Variants in FKTN observed in about 807,000 individuals in gnomAD.
FKTN encodes fukutin, also known as ribitol-5-phosphate transferase FKTN.
A neutral mutation model predicts 58.6 loss-of-function variants in FKTN; 47 were observed. The ratio of observed to expected loss-of-function variants is 0.80; its 90% CI spans 0.63 to 1.02. FKTN has a LOEUF of 1.02. Ranked by LOEUF, FKTN falls within the 50% of genes least tolerant of loss-of-function variation. The probability of loss-of-function intolerance (pLI) is 0.00; values close to 1 mark genes in which losing one functional copy is unlikely to be tolerated. For synonymous variants in FKTN, 178 were observed against 191.9 expected, an observed-to-expected ratio of 0.93 and a Z score of 0.60; for missense variants, 516 against 537.3, an observed-to-expected ratio of 0.96 and a Z score of 0.39.
chr9:105,607,270 T>A (rs1042536358), intron 6 of FKTN, among the ~76,000 whole-genome samples: 6 of 152,088 alleles, frequency 3.9e-5, no homozygotes, highest in Non-Finnish European at 7.4e-5. Context: ...CTCAGGCCAT[T>A]GTAATTAACT....
At chr9:105,634,343 G>A (rs1365656572) in intron 10 of FKTN, among the ~76,000 whole-genome samples, 8 of 151,850 alleles carry the variant, frequency 5.3e-5, no homozygotes, top group Admixed American at 4.6e-4. Flanking sequence ...CATGTTGGCC[G>A]GGCTGGTCTC....
rs1201619662 is a variant in FKTN at position 105,635,062 on chromosome 9, C to T, written c.1184C>T (p.Pro395Leu). ...CTGTTTTGCTGCAGATACCTGTTTC[C>T]GAAGTTTACACTGTGCTGGACTGAG... ...KTGKKFKYLF[P>L]KFTLCWTEFV... The change falls in exon 11 of 11, where the codon CCG becomes CTG. Residue 395 changes from proline to leucine, a missense_variant. Transcript: ENST00000357998. The T allele has an allele frequency of 3.7e-6, 6 of 1,613,928 alleles. No homozygotes were observed. The highest frequency in any genetic ancestry group is 2.2e-5 in the East Asian group (1 of 44,894).
chr9:105,589,834 A>G (rs1324379757), intron 3 of FKTN, among the ~76,000 whole-genome samples: 3 of 152,214 alleles, frequency 2.0e-5, no homozygotes, highest in Non-Finnish European at 4.4e-5. Flanking sequence ...CAAAGAAAAT[A>G]CAAAAGTCCT....
intron 3 of FKTN, among the ~76,000 whole-genome samples, chr9:105,583,870 T>C (rs1843450898): frequency 6.6e-6 from 1 of 152,168 alleles, no homozygotes; most frequent in Admixed American, 6.5e-5. Context: ...ATTAGACATC[T>C]AACTTACATT....
At position 105,640,604 on chromosome 9, in the gene FKTN, C is replaced by T. The variant is rs1834357157; in HGVS notation, c.*5340C>T. ...AATCTCTGCTTCCGTACTATCAAAACTTCTACCCTAGAATACCCCCTGGCA... is the reference window on the plus strand; with the variant it reads ...AATCTCTGCTTCCGTACTATCAAAATTTCTACCCTAGAATACCCCCTGGCA... On this transcript the variant is annotated 3_prime_UTR_variant, in exon 11 of 11. Transcript: ENST00000357998. 6.6e-6 allele frequency: 1 copy of T among 151,932 alleles called. No individual in the cohort carries two copies. Among genetic ancestry groups the T allele is most frequent in the Admixed American group, 6.6e-5 (1 of 15,206 alleles). The allele number at this position is 151,932 out of a possible 1,614,324, so 9.4% of individuals were successfully genotyped here. A position where few individuals can be genotyped will look rare whatever the true frequency, so the allele number is the denominator to read the frequency against.
chr9:105,627,116 G>A (rs1832840618), intron 10 of FKTN, among the ~76,000 whole-genome samples: 1 of 151,658 alleles, frequency 6.6e-6, no homozygotes, highest in East Asian at 1.9e-4. Flanking sequence ...GGAATTACAG[G>A]CACATTCCAT....
intron 1 of FKTN, among the ~76,000 whole-genome samples, chr9:105,561,964 CA>C (rs1259778212): frequency 1.4e-5 from 2 of 145,976 alleles, no homozygotes; most frequent in Non-Finnish European, 3.0e-5. Context: ...AATTCATTTT[CA>C]GACGCATTTT....
chr9:105,627,687 A>G (rs1832903619), intron 10 of FKTN, among the ~76,000 whole-genome samples: 2 of 151,918 alleles, frequency 1.3e-5, no homozygotes, highest in Non-Finnish European at 2.9e-5. Context: ...TGTCTGTTTG[A>G]ACTAGCTTCT....
rs1344965546 is a variant in FKTN, at chr9:105,640,054, C to T, written c.*4790C>T. 1 of 1,533,130 alleles carries T rather than the reference C, an allele frequency of 6.5e-7. No individual in the cohort carries two copies. The highest frequency in any genetic ancestry group is 1.4e-5 in the African/African-American group (1 of 72,978). The allele number at this position is 1,533,130 out of a possible 1,614,324, so 95.0% of individuals were successfully genotyped here. A position where few individuals can be genotyped will look rare whatever the true frequency, so the allele number is the denominator to read the frequency against. On this transcript the variant is annotated 3_prime_UTR_variant, in exon 11 of 11. Coordinates refer to ENST00000357998, the MANE Select transcript of FKTN (RefSeq NM_001079802.2). ...TGTTAATAAAGGAGAATTGAAAATACTCATTTCTACTTTCTGCCCTCAAAT... is the reference window on the plus strand; with the variant it reads ...TGTTAATAAAGGAGAATTGAAAATATTCATTTCTACTTTCTGCCCTCAAAT...
intron 10 of FKTN, among the ~76,000 whole-genome samples, chr9:105,632,132 A>C (rs1288905342): frequency 6.6e-6 from 1 of 151,956 alleles, no homozygotes; most frequent in Admixed American, 6.6e-5. Context: ...CATGGATGAA[A>C]CTGGAAATCA....
chr9:105,591,376 A>G (rs1335391616), intron 3 of FKTN, among the ~76,000 whole-genome samples: 2 of 152,240 alleles, frequency 1.3e-5, no homozygotes, highest in Non-Finnish European at 2.9e-5. Context: ...CGATGGGGGT[A>G]TAGTCATTGG....
At chr9:105,592,542 C>T (rs1299136653) in intron 3 of FKTN, among the ~76,000 whole-genome samples, 1 of 152,082 alleles carries the variant, frequency 6.6e-6, no homozygotes, top group African/African-American at 2.4e-5. Flanking sequence ...AAGGCTGAGG[C>T]AGGAAAATTG....
intron 10 of FKTN, among the ~76,000 whole-genome samples, chr9:105,621,159 G>A (rs953099620): frequency 1.4e-4 from 21 of 152,094 alleles, no homozygotes; most frequent in African/African-American, 5.1e-4. Flanking sequence ...AGTGTGAAGT[G>A]TTCTGATTAT....
At chr9:105,621,944 A>T (rs1003655617) in intron 10 of FKTN, among the ~76,000 whole-genome samples, 1 of 152,086 alleles carries the variant, frequency 6.6e-6, no homozygotes, top group African/African-American at 2.4e-5. Flanking sequence ...TTAGACTCAA[A>T]TTTTGGGGCT....
intron 1 of FKTN, among the ~76,000 whole-genome samples, chr9:105,563,911 C>G (rs1838837666): frequency 6.6e-6 from 1 of 152,232 alleles, no homozygotes; most frequent in South Asian, 2.1e-4. Flanking sequence ...ACAGTAGGGG[C>G]AGACTGACAC....
chr9:105,564,905 C>T (rs545698857), intron 1 of FKTN, among the ~76,000 whole-genome samples: 9 of 152,278 alleles, frequency 5.9e-5, no homozygotes, highest in Admixed American at 1.3e-4. Context: ...AGAGAAAGGT[C>T]GGGTTACCCA....
intron 3 of FKTN, among the ~76,000 whole-genome samples, chr9:105,596,218 A>G (rs898973883): frequency 2.0e-5 from 3 of 152,222 alleles, no homozygotes; most frequent in African/African-American, 7.2e-5. Context: ...TCACTTTGCC[A>G]AAGTCTACAA....
chr9:105,606,535 T>A (rs1240885821), intron 6 of FKTN, among the ~76,000 whole-genome samples: 1 of 151,812 alleles, frequency 6.6e-6, no homozygotes, highest in Non-Finnish European at 1.5e-5. Context: ...CTACTTTGAA[T>A]AGCAGAATCT....
intron 3 of FKTN, among the ~76,000 whole-genome samples, chr9:105,591,065 T>A (rs898278937): frequency 9.9e-5 from 15 of 152,152 alleles, no homozygotes; most frequent in African/African-American, 3.6e-4. Flanking sequence ...AAACCATTCA[T>A]GACAAACTGT....
Sources: allele counts gnomAD v4.1 joint callset (sites outside exome capture counted in the v4.1 genomes callset), GRCh38; gene constraint gnomAD v4.1.1; transcripts MANE v1.5; gene names NCBI Gene and HGNC (gene_info 2026-07-23, HGNC 2026-07-21).